C2orf66: variants seen among roughly 807,000 people sequenced by gnomAD.
C2orf66 encodes chromosome 2 open reading frame 66.
C2orf66 carries 6 observed loss-of-function variants against 7.0 expected under a neutral mutation model. The observed-to-expected ratio is 0.86, with a 90% CI of 0.47 to 1.69. The LOEUF is 1.69. Ranked by LOEUF, C2orf66 falls within the 40% of genes most tolerant of loss-of-function variation. The pLI, the probability that C2orf66 is intolerant of heterozygous loss-of-function variation, is 0.01. For synonymous variants in C2orf66, 38 were observed against 43.8 expected, an observed-to-expected ratio of 0.87 and a Z score of 0.52; for missense variants, 107 against 112.0, an observed-to-expected ratio of 0.96 and a Z score of 0.20.
the C2orf66 span, among the ~76,000 whole-genome samples, chr2:196,829,335 T>C: frequency 6.6e-6 from 1 of 152,122 alleles, no homozygotes; most frequent in East Asian, 1.9e-4. Context: ...TTTAATAACA[T>C]ACACAATGCT....
At chr2:196,829,021 T>C in the C2orf66 span, among the ~76,000 whole-genome samples, 1 of 152,210 alleles carries the variant, frequency 6.6e-6, no homozygotes, top group African/African-American at 2.4e-5. Flanking sequence ...GTTAAAATTG[T>C]AGTCTTTTGT....
the C2orf66 span, among the ~76,000 whole-genome samples, chr2:196,815,132 CTTTT>C: frequency 6.7e-6 from 1 of 148,816 alleles, no homozygotes; most frequent in Non-Finnish European, 1.5e-5. Context: ...GGCTGGCTCT[CTTTT>C]TTTTTTCTTT....
At chr2:196,827,783 C>G in the C2orf66 span, among the ~76,000 whole-genome samples, 1 of 152,130 alleles carries the variant, frequency 6.6e-6, no homozygotes, top group Non-Finnish European at 1.5e-5. Flanking sequence ...TGGTGATTGT[C>G]TTTTGTGTTG....
chr2:196,809,001 G>A (rs1326626216), intron 1 of C2orf66, among the ~76,000 whole-genome samples: 1 of 152,144 alleles, frequency 6.6e-6, no homozygotes, highest in Admixed American at 6.5e-5. Flanking sequence ...ATATAAATTT[G>A]TTTCTCTTTA....
chr2:196,813,200 A>C (rs1699892488), upstream of C2orf66, among the ~76,000 whole-genome samples: 1 of 152,220 alleles, frequency 6.6e-6, no homozygotes, highest in South Asian at 2.1e-4. Context: ...ACAGTAACCA[A>C]AACAGCATGG....
chr2:196,831,088 T>C, the C2orf66 span, among the ~76,000 whole-genome samples: 4 of 152,274 alleles, frequency 2.6e-5, no homozygotes, highest in Non-Finnish European at 4.4e-5. Flanking sequence ...TGCTTTTCCT[T>C]GTCTCTGGTT....
At chr2:196,814,372 T>C in the C2orf66 span, among the ~76,000 whole-genome samples, 1 of 151,584 alleles carries the variant, frequency 6.6e-6, no homozygotes, top group African/African-American at 2.4e-5. Context: ...AGTTGAACAA[T>C]GAGAACACAT....
Position 196,804,751 on chromosome 2 carries a change from G to C in C2orf66, c.*677C>G, listed in dbSNP as rs1230556541. ...GAGAGCAAGGGCTCGGGCATTGCTA[G>C]AATATTTGATGTGGCACAATGTCCA... On this transcript the variant is annotated 3_prime_UTR_variant, in exon 3 of 3. Coordinates refer to ENST00000342506, the MANE Select transcript of C2orf66 (RefSeq NM_213608.3). Among the ~76,000 whole-genome samples the C allele has an allele frequency of 1.3e-5, 2 of 152,206 alleles. No individual in the cohort carries two copies. Among genetic ancestry groups the C allele is most frequent in the Non-Finnish European group, 2.9e-5 (2 of 68,038 alleles).
chr2:196,825,687 G>T, the C2orf66 span, among the ~76,000 whole-genome samples: 3 of 152,180 alleles, frequency 2.0e-5, no homozygotes, highest in African/African-American at 7.2e-5. Context: ...TAAGTAGTGT[G>T]CAAGACAGCA....
upstream of C2orf66, among the ~76,000 whole-genome samples, chr2:196,811,763 T>A (rs1013203253): frequency 2.0e-5 from 3 of 152,054 alleles, no homozygotes; most frequent in South Asian, 2.1e-4. Flanking sequence ...GTTGTTGGCA[T>A]AGAAGTGAAT....
At chr2:196,817,195 G>C in the C2orf66 span, among the ~76,000 whole-genome samples, 1 of 151,606 alleles carries the variant, frequency 6.6e-6, no homozygotes, top group Non-Finnish European at 1.5e-5. Flanking sequence ...TTACTGACAA[G>C]GGTCTATGTT....
chr2:196,830,748 C>T, the C2orf66 span, among the ~76,000 whole-genome samples: 90 of 152,250 alleles, frequency 5.9e-4, no homozygotes, highest in African/African-American at 2.1e-3. Context: ...TTTAAAGGAG[C>T]AGTTGGTTTG....
At chr2:196,810,779 A>G (rs1699866961), upstream of C2orf66, among the ~76,000 whole-genome samples, 1 of 152,212 alleles carries the variant, frequency 6.6e-6, no homozygotes, top group South Asian at 2.1e-4. Context: ...TTATTCATTC[A>G]GCAGACTTTT....
At chr2:196,819,651 G>A in the C2orf66 span, among the ~76,000 whole-genome samples, 1 of 152,168 alleles carries the variant, frequency 6.6e-6, no homozygotes, top group Non-Finnish European at 1.5e-5. Flanking sequence ...GAGGCACCAT[G>A]TCTTTTTTAT....
intron 1 of C2orf66, among the ~76,000 whole-genome samples, chr2:196,808,659 C>T (rs77960376): frequency 0.026 from 3,900 of 152,262 alleles, 163 homozygotes; most frequent in African/African-American, 0.088. Context: ...TCAAAATAGT[C>T]ATGTCAACAT....
chr2:196,826,828 C>T, the C2orf66 span, among the ~76,000 whole-genome samples: 2 of 151,948 alleles, frequency 1.3e-5, no homozygotes, highest in Non-Finnish European at 2.9e-5. Context: ...GTCAGGAGAT[C>T]GAGACCATCC....
At chr2:196,823,055 G>A in the C2orf66 span, among the ~76,000 whole-genome samples, 1 of 151,360 alleles carries the variant, frequency 6.6e-6, no homozygotes, top group Admixed American at 6.6e-5. Context: ...ATTATAATAT[G>A]CAGGATAGAA....
At chr2:196,822,071 T>G in the C2orf66 span, among the ~76,000 whole-genome samples, 1 of 149,152 alleles carries the variant, frequency 6.7e-6, no homozygotes, top group Non-Finnish European at 1.5e-5. Flanking sequence ...TGTGCCACCA[T>G]GCCCAGCTAA....
At chr2:196,809,592 T>C (rs565601688), upstream of C2orf66, 47 of 411,220 alleles carry the variant, frequency 1.1e-4, no homozygotes, top group African/African-American at 9.1e-4. Flanking sequence ...AGCAAAACAA[T>C]TATGGAACAT....
Sources: gnomAD v4.1 joint callset for allele counts (sites outside exome capture counted in the v4.1 genomes callset) on GRCh38, gnomAD v4.1.1 for gene constraint, MANE v1.5 for transcripts, NCBI Gene and HGNC (gene_info 2026-07-23, HGNC 2026-07-21) for gene names.